Variants in CSMD3 observed in about 807,000 individuals in gnomAD.
CSMD3 encodes the protein CUB and sushi domain-containing protein 3.
In CSMD3, 177 loss-of-function variants were observed where a neutral mutation model predicts 435.2. The ratio of observed to expected loss-of-function variants is 0.41; its 90% CI spans 0.36 to 0.46. The LOEUF is 0.46. Ranked by LOEUF, CSMD3 falls within the 20% of genes least tolerant of loss-of-function variation. The probability of loss-of-function intolerance (pLI) is 0.34; values close to 1 mark genes in which losing one functional copy is unlikely to be tolerated. For missense variants in CSMD3, 4,265 were observed against 4,504.6 expected (o/e 0.95, Z 1.52); for synonymous variants, 1,656 against 1,520.5 (o/e 1.09, Z -2.07).
chr8:112,526,033 C>T (rs1824921477), intron 27 of CSMD3, among the ~76,000 whole-genome samples: 2 of 149,938 alleles, frequency 1.3e-5, no homozygotes. Context: ...AAAGAAATCA[C>T]ACTTAAGTGT....
At chr8:112,493,338 C>G (rs1869289) in intron 30 of CSMD3, among the ~76,000 whole-genome samples, 1 of 151,698 alleles carries the variant, frequency 6.6e-6, no homozygotes, top group Non-Finnish European at 1.5e-5. Flanking sequence ...AGAAGGAGCC[C>G]TTATAAAACG....
chr8:113,091,887 T>G (rs2090015162), intron 5 of CSMD3, among the ~76,000 whole-genome samples: 1 of 152,004 alleles, frequency 6.6e-6, no homozygotes, highest in African/African-American at 2.4e-5. Flanking sequence ...TATTTGAAGT[T>G]TTTCTTTTTT....
At chr8:112,552,799 G>A (rs1827802681) in intron 25 of CSMD3, 79 bp from the exon 26 acceptor site, 3 of 1,291,330 alleles carry the variant, frequency 2.3e-6, no homozygotes, top group Non-Finnish European at 3.3e-6. Flanking sequence ...CTCATGAGTA[G>A]ACAAAAGAAT....
At chr8:113,142,294 C>A (rs115408093) in intron 4 of CSMD3, among the ~76,000 whole-genome samples, 1 of 151,192 alleles carries the variant, frequency 6.6e-6, no homozygotes, top group Non-Finnish European at 1.5e-5. Flanking sequence ...TGAAAAGACA[C>A]AGGGACTACA....
chr8:112,423,352 C>T (rs1812720669), intron 32 of CSMD3, among the ~76,000 whole-genome samples: 1 of 152,158 alleles, frequency 6.6e-6, no homozygotes, highest in African/African-American at 2.4e-5. Flanking sequence ...ATCAAAAGCA[C>T]ATAAGAGTCA....
rs986621985 is a variant in CSMD3 at position 112,957,425 on chromosome 8, GAA to G, written c.1343-2666_1343-2665del. Among the ~76,000 whole-genome samples the G allele has an allele frequency of 3.3e-5, 5 of 152,262 alleles. No individual in the cohort carries two copies. In the East Asian group the frequency reaches 9.6e-4, roughly 29 times the overall value. ...CTGTATGGTAAGCTCCTCAAAGGCAGAAAAAATATTTTGTTCATGTCATATTT... is the reference window on the plus strand; with the variant it reads ...CTGTATGGTAAGCTCCTCAAAGGCAGAAAATATTTTGTTCATGTCATATTT... On this transcript the variant is annotated intron_variant, in intron 7 of 70. Coordinates refer to ENST00000297405, the MANE Select transcript of CSMD3 (RefSeq NM_198123.2).
chr8:112,760,597 G>A (rs2077814118), intron 13 of CSMD3, among the ~76,000 whole-genome samples: 1 of 152,130 alleles, frequency 6.6e-6, no homozygotes, highest in Non-Finnish European at 1.5e-5. Context: ...TAAATTAACA[G>A]TGCATATTGC....
At chr8:112,467,111 G>T (rs1305865602) in intron 32 of CSMD3, among the ~76,000 whole-genome samples, 4 of 152,182 alleles carry the variant, frequency 2.6e-5, no homozygotes, top group African/African-American at 9.7e-5. Context: ...GTAACTCTGT[G>T]TGCCATTTGC....
At chr8:112,266,353 T>C (rs776174592) in intron 59 of CSMD3, among the ~76,000 whole-genome samples, 27 of 152,108 alleles carry the variant, frequency 1.8e-4, no homozygotes, top group Non-Finnish European at 2.9e-4. Flanking sequence ...GGGGAGGCCA[T>C]GCAGGGCCAG....
At chr8:112,795,071 A>G (rs904962268) in intron 13 of CSMD3, among the ~76,000 whole-genome samples, 5 of 152,274 alleles carry the variant, frequency 3.3e-5, no homozygotes, top group South Asian at 2.1e-4. Context: ...ACTCTAAAAA[A>G]CATGTAACTT....
chr8:113,275,707 T>C (rs1486125524), intron 3 of CSMD3, among the ~76,000 whole-genome samples: 1 of 151,922 alleles, frequency 6.6e-6, no homozygotes, highest in African/African-American at 2.4e-5. Flanking sequence ...TTTTTAAAAA[T>C]ACAGGTAAGA....
At chr8:113,404,105 T>C (rs1038786242) in intron 1 of CSMD3, among the ~76,000 whole-genome samples, 1 of 151,466 alleles carries the variant, frequency 6.6e-6, no homozygotes, top group African/African-American at 2.4e-5. Context: ...AGCACATTTC[T>C]TCTGAAATGT....
intron 13 of CSMD3, among the ~76,000 whole-genome samples, chr8:112,747,976 A>AAAAAAAAAAAAAAAAC (rs2077478051): frequency 6.6e-6 from 1 of 151,750 alleles, no homozygotes; most frequent in South Asian, 2.1e-4. Context: ...AAAAAAAAAA[A>AAAAAAAAAAAAAAAAC]AAAAAAAAAA....
At chr8:112,717,148 G>T (rs1175211464) in intron 13 of CSMD3, among the ~76,000 whole-genome samples, 1 of 151,130 alleles carries the variant, frequency 6.6e-6, no homozygotes, top group Non-Finnish European at 1.5e-5. Context: ...AAAAATGGGA[G>T]AAATTTTTTG....
At chr8:113,394,190 A>G (rs2133169500) in intron 1 of CSMD3, among the ~76,000 whole-genome samples, 1 of 151,654 alleles carries the variant, frequency 6.6e-6, no homozygotes, top group East Asian at 1.9e-4. Context: ...ACACACACAC[A>G]CAAGGGGTTT....
chr8:113,388,161 A>G (rs148152539), intron 1 of CSMD3, among the ~76,000 whole-genome samples: 54 of 151,874 alleles, frequency 3.6e-4, no homozygotes, highest in African/African-American at 3.1e-4. Context: ...GAGCTAAAAT[A>G]TAAGATTTTT....
chr8:112,652,675 TAACTC>T (rs1164793798), intron 18 of CSMD3, among the ~76,000 whole-genome samples: 6 of 152,252 alleles, frequency 3.9e-5, no homozygotes, highest in African/African-American at 1.4e-4. Flanking sequence ...GACAAGCAAA[TAACTC>T]AAGGCATAAT....
rs756616569 is a variant in CSMD3 at position 112,335,408 on chromosome 8, G to C, written c.7086C>G (p.Val2362=). The change falls in exon 45 of 71, where the codon GTC becomes GTG. Residue 2362 remains valine, a synonymous_variant. Coordinates refer to ENST00000297405, the MANE Select transcript of CSMD3 (RefSeq NM_198123.2). ...TTAGAATCTGATTTGAAGTACTGTA[G>C]ACTGATTCCAAAGCGGTATTGCCAC... The part of the protein sequence containing the change: ...QFSGNTALES[V]YSTSNQILIK... 3 of 1,613,732 alleles carry C rather than the reference G, an allele frequency of 1.9e-6. No individual in the cohort carries two copies. The highest frequency in any genetic ancestry group is 8.5e-7 in the Non-Finnish European group (1 of 1,179,832).
chr8:112,878,892 G>A (rs2081367821), intron 10 of CSMD3, among the ~76,000 whole-genome samples: 2 of 152,090 alleles, frequency 1.3e-5, no homozygotes, highest in African/African-American at 4.8e-5. Flanking sequence ...AATTTCCTAT[G>A]CCTGTCTTTA....
Sources: allele counts gnomAD v4.1 joint callset (sites outside exome capture counted in the v4.1 genomes callset), GRCh38; gene constraint gnomAD v4.1.1; transcripts MANE v1.5; gene names NCBI Gene and HGNC (gene_info 2026-07-23, HGNC 2026-07-21).